Variants in MYBPC3 observed in about 807,000 individuals in gnomAD.
The protein encoded by MYBPC3 is myosin-binding protein C, cardiac-type.
MYBPC3 carries 108 observed loss-of-function variants against 159.3 expected under a neutral mutation model. That is an observed-to-expected ratio of 0.68 (90% CI 0.58 to 0.80). MYBPC3 has a LOEUF of 0.80. MYBPC3 is among the 30% of genes least tolerant of loss of function. The pLI is 0.00. For synonymous variants in MYBPC3, 730 were observed against 702.0 expected, an observed-to-expected ratio of 1.04 and a Z score of -0.63; for missense variants, 1,631 against 1,762.1, an observed-to-expected ratio of 0.93 and a Z score of 1.33.
At position 47,337,445 on chromosome 11, in the gene MYBPC3, TG is replaced by T; in HGVS notation, c.2547del (p.Asn850ThrfsTer29). The T allele has an allele frequency of 6.2e-7, 1 of 1,612,486 alleles. No homozygotes were observed. On this transcript the variant is annotated frameshift_variant, in exon 25 of 35. Coordinates refer to ENST00000545968, the MANE Select transcript of MYBPC3 (RefSeq NM_000256.3). LOFTEE classifies it high-confidence loss of function. ...GVVYEMRVYAVNAIGMSRPSP... is the reference protein window; with the variant it reads ...GVVYEMRVYAXNAIGMSRPSP... ...CTGGGCCTGGACATGCCGATGGCGTTGACCGCGTAGACGCGCATCTCGTACA... is the reference window on the plus strand; with the variant it reads ...CTGGGCCTGGACATGCCGATGGCGTTACCGCGTAGACGCGCATCTCGTACA...
At chr11:47,333,422 C>G in intron 29 of MYBPC3, 89 bp from the exon 30 acceptor site, 1 of 1,497,040 alleles carries the variant, frequency 6.7e-7, no homozygotes, top group East Asian at 2.4e-5. Context: ...CCCCTGCCAA[C>G]CAGGGCCAGG....
chr11:47,350,563 T>C lies in MYBPC3; in HGVS notation c.345A>G (p.Gly115=). 6.5e-7 allele frequency: 1 copy of C among 1,542,914 alleles called. No individual in the cohort carries two copies. The highest frequency in any genetic ancestry group is 8.7e-7 in the Non-Finnish European group (1 of 1,152,318). Residue 115 remains glycine (G), a synonymous_variant, in exon 3 of 35, where the codon GGA becomes GGG. Transcript: ENST00000545968. ...APAPAPAEAT[G]APGEAPAPAA... is the part of the protein sequence containing the mutation. ...CTGGGGCCGGGGCTTCTCCAGGGGCTCCAGTGGCCTCAGCAGGGGCAGGGG... is the reference window on the plus strand; with the variant it reads ...CTGGGGCCGGGGCTTCTCCAGGGGCCCCAGTGGCCTCAGCAGGGGCAGGGG...
At chr11:47,340,865 T>C (rs1184134703) in intron 20 of MYBPC3, 138 bp downstream of exon 20, 6 of 983,280 alleles carry the variant, frequency 6.1e-6, no homozygotes, top group African/African-American at 1.7e-5. Context: ...CCCATGGTCA[T>C]GAGTGGCAAA....
intron 9 of MYBPC3, 157 bp from the exon 10 acceptor site, chr11:47,347,186 T>A: frequency 1.0e-6 from 1 of 984,792 alleles, no homozygotes; most frequent in African/African-American, 1.7e-5. Context: ...CGGAGGGAGC[T>A]TTTGCAGCCT....
chr11:47,348,910 A>T (rs1185052087), intron 5 of MYBPC3, among the ~76,000 whole-genome samples: 1 of 112,162 alleles, frequency 8.9e-6, no homozygotes. Flanking sequence ...GTCTCAAATT[A>T]TATATATATA....
chr11:47,341,900 T>G (rs2142859997), intron 18 of MYBPC3, 91 bp downstream of exon 18: 1 of 1,491,364 alleles, frequency 6.7e-7, no homozygotes, highest in East Asian at 2.5e-5. Flanking sequence ...TGTCCACCTG[T>G]CTTTATCTCT....
chr11:47,338,681 T>TG lies in MYBPC3; in HGVS notation c.2149-3dup, dbSNP rs748128261. On this transcript the variant is annotated splice_region_variant and splice_polypyrimidine_tract_variant and intron_variant, in intron 22 of 34. Transcript: ENST00000545968. This position sits in a 1 kb window ranked among gnomAD's most constrained non-coding sequence, Gnocchi z 4.7. ...CCGGCCCTCGGTCTCACACAGCAGC[T>TG]GGGGGGGTGCAGAGTTGGGGTGAGA... 103 of 1,608,336 alleles carry TG rather than the reference T, an allele frequency of 6.4e-5. No individual in the cohort carries two copies. Among genetic ancestry groups the TG allele is most frequent in the East Asian group, 4.2e-4 (19 of 44,760 alleles).
At chr11:47,347,263 C>G in intron 9 of MYBPC3, 163 bp downstream of exon 9, 1 of 985,344 alleles carries the variant, frequency 1.0e-6, no homozygotes, top group Non-Finnish European at 1.2e-6. Flanking sequence ...GTCTGCAGAG[C>G]CCTTTAACTC....
Position 47,335,034 on chromosome 11 carries a change from G to T in MYBPC3, c.2905+8C>A. The T allele has an allele frequency of 6.6e-7, 1 of 1,523,258 alleles. No homozygotes were observed. 94.4% of individuals were successfully genotyped at this position (1,523,258 alleles called of 1,614,324 possible). ...GCGGGTCTTGTGACTGCACAAAGGG[G>T]CACTCACGCAGGATCTCCTGCACTG... On this transcript the variant is annotated splice_region_variant and intron_variant, in intron 27 of 34. Coordinates refer to ENST00000545968, the MANE Select transcript of MYBPC3 (RefSeq NM_000256.3).
chr11:47,344,732 T>A (rs2095892516), intron 12 of MYBPC3, among the ~76,000 whole-genome samples: 1 of 152,196 alleles, frequency 6.6e-6, no homozygotes, highest in Non-Finnish European at 1.5e-5. Context: ...CATCATAGTG[T>A]TGTTTCGAGA....
chr11:47,341,202 C>CGA lies in MYBPC3; in HGVS notation c.1832_1833insTC (p.Glu611AspfsTer53). On this transcript the variant is annotated frameshift_variant, in exon 19 of 35. Coordinates refer to ENST00000545968, the MANE Select transcript of MYBPC3 (RefSeq NM_000256.3). LOFTEE classifies it high-confidence loss of function. ...CCTCGGGCACAAAGCTGTAGTCAGC[C>CGA]TCGTCGGCAGGTGTGACGTCGTCAA... The CGA allele has an allele frequency of 1.3e-6, 2 of 1,596,302 alleles. No homozygotes were observed. Among genetic ancestry groups the CGA allele is most frequent in the Admixed American group, 1.7e-5 (1 of 57,624 alleles).
rs778161908 is a variant in MYBPC3, at chr11:47,343,624, G to A, written c.1091C>T (p.Ala364Val). 3.7e-6 allele frequency: 6 copies of A among 1,609,264 alleles called. No homozygotes were observed. In the East Asian group the frequency reaches 1.3e-4, roughly 36 times the overall value. Residue 364 changes from alanine to valine, a missense_variant and splice_region_variant, in exon 13 of 35, where the codon GCC becomes GTC. By Grantham distance (64) the Ala-to-Val change is moderately conservative (BLOSUM62 0). Coordinates refer to ENST00000545968, the MANE Select transcript of MYBPC3 (RefSeq NM_000256.3). ...GMRRDEKKST[A>V]FQKKLEPAYQ... Reference sequence around the variant, plus strand: ...GGCCGGCTCCAGCTTCTTCTGAAAGGCTGAGCACCACCCCTCAGCCCCGGC... The same window carrying A: ...GGCCGGCTCCAGCTTCTTCTGAAAGACTGAGCACCACCCCTCAGCCCCGGC...
intron 29 of MYBPC3, 98 bp from the exon 30 acceptor site, chr11:47,333,431 G>A: frequency 6.7e-7 from 1 of 1,503,428 alleles, no homozygotes; most frequent in Non-Finnish European, 8.9e-7. Flanking sequence ...ACCAGGGCCA[G>A]GCCTGCTGGG....
In MYBPC3 at chr11:47,339,294, G is replaced by A. The variant is rs755296538; in HGVS notation, c.2148+30C>T. 3.7e-6 allele frequency: 6 copies of A among 1,609,376 alleles called. No individual in the cohort carries two copies. In the South Asian group the frequency reaches 5.5e-5, roughly 15 times the overall value. On this transcript the variant is annotated intron_variant, in intron 22 of 34. Coordinates refer to ENST00000545968, the MANE Select transcript of MYBPC3 (RefSeq NM_000256.3). The stretch of plus-strand genomic sequence containing the variant: ...AGGTAGAAAGTGATGAAAGACAAAC[G>A]AGCCTCCTCCTGACCTCAGTCTCAC...
Position 47,335,089 on chromosome 11 carries a change from C to T in MYBPC3, c.2858G>A (p.Gly953Glu). ...CGGCTCCGTGGTGGTAACAGGGGCT[C>T]CAGGCCCTGCCATATTGTGTGCCCG... is the stretch of plus-strand genomic sequence containing the variant. The part of the protein sequence containing the change: ...RVRAHNMAGP[G>E]APVTTTEPVT... The change falls in exon 27 of 35, where the codon GGA becomes GAA. Residue 953 changes from glycine to glutamate, a missense_variant. Gly to Glu is a moderately conservative substitution (Grantham distance 98). Transcript: ENST00000545968. 1 of 1,600,576 alleles carries T rather than the reference C, an allele frequency of 6.2e-7. No homozygotes were observed. Among genetic ancestry groups the T allele is most frequent in the Non-Finnish European group, 8.5e-7 (1 of 1,173,160 alleles).
In MYBPC3 at chr11:47,333,300, G is replaced by C. The variant is rs150786409; in HGVS notation, c.3224C>G (p.Thr1075Ser). 1.1e-5 allele frequency: 18 copies of C among 1,590,060 alleles called. No homozygotes were observed. The highest frequency in any genetic ancestry group is 3.3e-4 in the Middle Eastern group (2 of 6,020). The change falls in exon 30 of 35, where the codon ACT becomes AGT. Residue 1075 changes from threonine to serine, a missense_variant. Coordinates refer to ENST00000545968, the MANE Select transcript of MYBPC3 (RefSeq NM_000256.3). ...KPSPPQDLRV[T>S]DAWGLNVALE... is the part of the protein sequence containing the mutation. ...AGCCACATTAAGACCCCAGGCGTCA[G>C]TCACCCGGAGATCCTGGGGAGGACT... is the stretch of plus-strand genomic sequence containing the variant.
intron 5 of MYBPC3, 27 bp downstream of exon 5, chr11:47,349,747 G>A (rs376106512): frequency 1.1e-4 from 183 of 1,597,108 alleles, no homozygotes; most frequent in Middle Eastern, 7.4e-4. Flanking sequence ...CCCTCTCTCC[G>A]TGTCTCCACG....
In MYBPC3 at chr11:47,332,518, T is replaced by C. The variant is rs1276963750; in HGVS notation, c.3627+48A>G. The C allele has an allele frequency of 6.3e-7, 1 of 1,580,780 alleles. No homozygotes were observed. Among genetic ancestry groups the C allele is most frequent in the Admixed American group, 1.8e-5 (1 of 56,954 alleles). On this transcript the variant is annotated intron_variant, in intron 32 of 34. Transcript: ENST00000545968. The surrounding 1 kb of genome is among the most constrained non-coding windows in gnomAD (Gnocchi z 4.2). ...GAGGACTGCTCAACGTCGGGGCCTG[T>C]GAGCCCTGCCTCCTGGTCGGCCTGG...
Position 47,343,563 on chromosome 11 carries a change from G to C in MYBPC3, c.1152C>G (p.Thr384=), listed in dbSNP as rs775237084. 2 of 1,609,688 alleles carry C rather than the reference G, an allele frequency of 1.2e-6. No homozygotes were observed. The highest frequency in any genetic ancestry group is 1.1e-5 in the South Asian group (1 of 90,580). ...QVSKGHKIRL[T]VELADHDAEV... is the part of the protein sequence containing the mutation. ...CAGCGTCATGGTCAGCCAGTTCCAC[G>C]GTCAGCCGGATCTTGTGGCCTTTGC... The change falls in exon 13 of 35, where the codon ACC becomes ACG. Residue 384 remains threonine, a synonymous_variant. Coordinates refer to ENST00000545968, the MANE Select transcript of MYBPC3 (RefSeq NM_000256.3).
Sources: gnomAD v4.1 joint callset for allele counts (sites outside exome capture counted in the v4.1 genomes callset) on GRCh38, gnomAD v4.1.1 for gene constraint, Gnocchi (gnomAD v3.1) non-coding constraint, MANE v1.5 for transcripts, NCBI Gene and HGNC (gene_info 2026-07-23, HGNC 2026-07-21) for gene names.